The following CUL4A variants were observed in gnomAD, a reference collection of about 807,000 sequenced individuals.
CUL4A encodes the protein cullin-4A.
CUL4A carries 16 observed loss-of-function variants against 95.5 expected under a neutral mutation model. The ratio of observed to expected loss-of-function variants is 0.17; its 90% CI spans 0.11 to 0.25. CUL4A has a LOEUF of 0.25. Among genes scored for constraint, CUL4A ranks in the 10% least tolerant of loss-of-function variants. The pLI is 1.00. For missense variants in CUL4A, 610 were observed against 937.0 expected, an observed-to-expected ratio of 0.65 and a Z score of 4.56; for synonymous variants, 380 against 353.1, an observed-to-expected ratio of 1.08 and a Z score of -0.85.
At chr13:113,228,189 G>C in intron 4 of CUL4A, 144 bp downstream of exon 4, 1 of 657,160 alleles carries the variant, frequency 1.5e-6, no homozygotes. Context: ...GAAAAGCAGG[G>C]AAGGTGAACT....
chr13:113,260,853 G>T (rs2042256784), intron 19 of CUL4A, 94 bp downstream of exon 19: 1 of 977,392 alleles, frequency 1.0e-6, no homozygotes, highest in Non-Finnish European at 1.5e-6. Context: ...CATTTGACCT[G>T]CATTATTCAT....
At chr13:113,213,264 T>C (rs1306854888) in intron 2 of CUL4A, among the ~76,000 whole-genome samples, 1 of 152,156 alleles carries the variant, frequency 6.6e-6, no homozygotes, top group Non-Finnish European at 1.5e-5. Flanking sequence ...GTTGCATGCC[T>C]GTAGTCCCAG....
At chr13:113,245,122 C>T (rs746293781) in intron 13 of CUL4A, 30 bp from the exon 14 acceptor site, 14 of 1,612,322 alleles carry the variant, frequency 8.7e-6, no homozygotes, top group East Asian at 6.7e-5. Context: ...TGTGTTACCC[C>T]GATCTCACTC....
intron 2 of CUL4A, among the ~76,000 whole-genome samples, chr13:113,212,266 C>G (rs1346116362): frequency 1.3e-5 from 2 of 152,150 alleles, no homozygotes; most frequent in African/African-American, 4.8e-5. Flanking sequence ...TCTTTTGATT[C>G]TCTTAACTGT....
chr13:113,253,076 T>C lies in CUL4A; in HGVS notation c.1639-6T>C, dbSNP rs748533791. 3 of 1,539,138 alleles carry C rather than the reference T, an allele frequency of 1.9e-6. No individual in the cohort carries two copies. The African/African-American group carries it at 4.1e-5, about 21-fold the overall frequency. On this transcript the variant is annotated splice_polypyrimidine_tract_variant and splice_region_variant and intron_variant, in intron 15 of 19. Transcript: ENST00000375440. ...CATAATTTTGTTGTTCTCCTATGCT[T>C]AACAGATGATTAAACTTCAGGAAGT...
At chr13:113,228,392 T>C (rs2041184850) in intron 4 of CUL4A, among the ~76,000 whole-genome samples, 1 of 152,228 alleles carries the variant, frequency 6.6e-6, no homozygotes, top group Non-Finnish European at 1.5e-5. Context: ...TTAGGCTTTG[T>C]AGATGTCTTG....
rs574480675 is a variant in CUL4A, at chr13:113,235,596, G to A, written c.848+451G>A. On this transcript the variant is annotated intron_variant, in intron 8 of 19. Coordinates refer to ENST00000375440, the MANE Select transcript of CUL4A (RefSeq NM_001008895.4). ...ACAAAAAGGGAGAGATTATGTGAGC[G>A]TGTGTGTCAGGCACAGTGTGTCCAT... 1.4e-4 allele frequency among the ~76,000 whole-genome samples: 22 copies of A among 152,268 alleles called. 1 individual carries two copies. The highest frequency in any genetic ancestry group is 1.9e-4 in the Non-Finnish European group (13 of 68,022).
At chr13:113,256,239 A>C (rs1328806135) in intron 18 of CUL4A, among the ~76,000 whole-genome samples, 1 of 152,112 alleles carries the variant, frequency 6.6e-6, no homozygotes, top group Non-Finnish European at 1.5e-5. Context: ...TGCTGATCGC[A>C]GTCTTCTCCT....
intron 3 of CUL4A, among the ~76,000 whole-genome samples, chr13:113,221,357 A>G (rs1378283303): frequency 1.3e-5 from 2 of 152,230 alleles, no homozygotes; most frequent in African/African-American, 4.8e-5. Flanking sequence ...GGATAAGTTT[A>G]CATATAGACC....
chr13:113,246,655 A>AAGTC (rs1462969490), intron 15 of CUL4A, among the ~76,000 whole-genome samples: 1 of 152,234 alleles, frequency 6.6e-6, no homozygotes. Context: ...GTCAGCTGAG[A>AAGTC]AGGGAAGAAA....
At chr13:113,233,864 T>C (rs759314943) in intron 6 of CUL4A, 33 bp from the exon 7 acceptor site, 1 of 1,163,390 alleles carries the variant, frequency 8.6e-7, no homozygotes, top group South Asian at 1.2e-5. Flanking sequence ...TTTCCTTTAC[T>C]GAAATTGGTC....
At chr13:113,248,972 GC>G (rs1408560867) in intron 15 of CUL4A, among the ~76,000 whole-genome samples, 3 of 152,126 alleles carry the variant, frequency 2.0e-5, no homozygotes, top group Non-Finnish European at 4.4e-5. Flanking sequence ...GACACAGAAG[GC>G]CAGTGGTACA....
At chr13:113,256,245 C>T (rs566898272) in intron 18 of CUL4A, among the ~76,000 whole-genome samples, 43 of 152,222 alleles carry the variant, frequency 2.8e-4, no homozygotes, top group African/African-American at 1.0e-3. Flanking sequence ...TCGCAGTCTT[C>T]TCCTGGCCAG....
chr13:113,252,752 G>A (rs1324950455), intron 15 of CUL4A, among the ~76,000 whole-genome samples: 3 of 152,150 alleles, frequency 2.0e-5, no homozygotes, highest in Non-Finnish European at 4.4e-5. Flanking sequence ...TGAGACACAG[G>A]ATCTGGCCTC....
chr13:113,232,021 C>T (rs951193343), intron 5 of CUL4A, among the ~76,000 whole-genome samples: 7 of 151,208 alleles, frequency 4.6e-5, no homozygotes, highest in African/African-American at 1.7e-4. Flanking sequence ...GCCACCACCA[C>T]CACCACCATT....
chr13:113,234,910 C>T (rs1372006004), intron 7 of CUL4A, among the ~76,000 whole-genome samples, 153 bp from the exon 8 acceptor site: 1 of 152,198 alleles, frequency 6.6e-6, no homozygotes, highest in Non-Finnish European at 1.5e-5. Flanking sequence ...TTCCGTCCTA[C>T]CTCTCCCTCC....
rs115899304 is a variant in CUL4A at position 113,240,789 on chromosome 13, G to A, written c.1035+1238G>A. Among the ~76,000 whole-genome samples, 1,274 of 152,250 alleles carry A rather than the reference G, an allele frequency of 8.4e-3. 22 individuals carry two copies. The highest frequency in any genetic ancestry group is 0.03 in the African/African-American group (1,232 of 41,524). On this transcript the variant is annotated intron_variant, in intron 10 of 19. Coordinates refer to ENST00000375440, the MANE Select transcript of CUL4A (RefSeq NM_001008895.4). ...CAGTCGGGGTTTCGGCCGAGGTCTAGATGTGCACACCCAGATGAGTTACGA... is the reference window on the plus strand; with the variant it reads ...CAGTCGGGGTTTCGGCCGAGGTCTAAATGTGCACACCCAGATGAGTTACGA...
intron 18 of CUL4A, among the ~76,000 whole-genome samples, chr13:113,255,399 C>T (rs189059218): frequency 5.9e-5 from 9 of 152,202 alleles, no homozygotes; most frequent in Admixed American, 4.6e-4. Flanking sequence ...CATAGGGTTT[C>T]GAAAATTATC....
At chr13:113,252,972 C>T in intron 15 of CUL4A, 110 bp from the exon 16 acceptor site, 1 of 552,062 alleles carries the variant, frequency 1.8e-6, no homozygotes, top group South Asian at 3.3e-5. Flanking sequence ...GAATATAGAG[C>T]TGACCTTTTA....
Sources: allele counts gnomAD v4.1 joint callset (sites outside exome capture counted in the v4.1 genomes callset), GRCh38; gene constraint gnomAD v4.1.1; transcripts MANE v1.5; gene names NCBI Gene and HGNC (gene_info 2026-07-23, HGNC 2026-07-21).